Variants in UST observed in about 807,000 individuals in gnomAD.
UST encodes uronyl 2-sulfotransferase.
UST carries 21 observed loss-of-function variants against 45.6 expected under a neutral mutation model. The ratio of observed to expected loss-of-function variants is 0.46; its 90% CI spans 0.33 to 0.66. The LOEUF (loss-of-function observed/expected upper bound fraction) is 0.66. Among genes scored for constraint, UST ranks in the 30% least tolerant of loss-of-function variants. The pLI, the probability that UST is intolerant of heterozygous loss-of-function variation, is 0.02. For missense variants in UST, 463 were observed against 512.4 expected, an observed-to-expected ratio of 0.90 and a Z score of 0.93; for synonymous variants, 215 against 200.6, an observed-to-expected ratio of 1.07 and a Z score of -0.61.
chr6:149,047,594 C>T (rs1008188458), intron 7 of UST, among the ~76,000 whole-genome samples: 5 of 152,192 alleles, frequency 3.3e-5, no homozygotes, highest in African/African-American at 1.2e-4. Flanking sequence ...TTTTCATTAA[C>T]AGTTCAAGCC....
In UST at chr6:149,005,574, A is replaced by T. The variant is rs112479549; in HGVS notation, c.682-13565A>T. The T allele has an allele frequency of 3.6e-5, 35 of 985,424 alleles. 2 individuals are homozygous for T. The highest frequency in any genetic ancestry group is 3.3e-4 in the African/African-American group (19 of 57,360). 61.0% of individuals were successfully genotyped at this position (985,424 alleles called of 1,614,324 possible). A position where few individuals can be genotyped will look rare whatever the true frequency, so the allele number is the denominator to read the frequency against. ...CCACAAGCTTTTACCGAATAAAATGATTGGTACTCAGTAAAGGTTAGTCCC... is the reference window on the plus strand; with the variant it reads ...CCACAAGCTTTTACCGAATAAAATGTTTGGTACTCAGTAAAGGTTAGTCCC... On this transcript the variant is annotated intron_variant, in intron 5 of 7. Transcript: ENST00000367463.
intron 1 of UST, among the ~76,000 whole-genome samples, chr6:148,832,136 A>G (rs1032489689): frequency 1.4e-4 from 22 of 152,220 alleles, no homozygotes; most frequent in African/African-American, 4.8e-4. Context: ...GATTGCACGC[A>G]TGCACCACCA....
At chr6:148,941,850 G>T (rs1780134185) in intron 3 of UST, among the ~76,000 whole-genome samples, 1 of 152,154 alleles carries the variant, frequency 6.6e-6, no homozygotes, top group African/African-American at 2.4e-5. Context: ...ATTGGTTGAT[G>T]GGGGACATGA....
Position 148,885,323 on chromosome 6 carries a change from G to A in UST, c.248-1663G>A, listed in dbSNP as rs151060457. On this transcript the variant is annotated intron_variant, in intron 1 of 7. Transcript: ENST00000367463. ...GAGCAGATGGGAGCTCCAGGCAGCC[G>A]CACCAGCTGCACGGTGGTAGAATAT... 2.9e-3 allele frequency among the ~76,000 whole-genome samples: 435 copies of A among 152,244 alleles called. 1 individual carries two copies. Among genetic ancestry groups the A allele is most frequent in the African/African-American group, 9.6e-3 (398 of 41,548 alleles).
At chr6:148,844,421 T>C (rs913204540) in intron 1 of UST, among the ~76,000 whole-genome samples, 66 of 152,156 alleles carry the variant, frequency 4.3e-4, no homozygotes, top group African/African-American at 1.5e-3. Flanking sequence ...CTTATTAAGA[T>C]AAAATTTGCA....
In UST at chr6:148,865,533, G is replaced by C. The variant is rs188112297; in HGVS notation, c.248-21453G>C. ...TTTAATATAAAGAATGTTTTAAAAA[G>C]AGAGAGAGAGAGAGAGAAAACACCT... On this transcript the variant is annotated intron_variant, in intron 1 of 7. Coordinates refer to ENST00000367463, the MANE Select transcript of UST (RefSeq NM_005715.3). 5.3e-3 allele frequency among the ~76,000 whole-genome samples: 773 copies of C among 146,514 alleles called. 13 individuals carry two copies. Among genetic ancestry groups the C allele is most frequent in the African/African-American group, 0.018 (737 of 41,002 alleles).
chr6:149,017,431 A>C (rs1454893503), intron 5 of UST, among the ~76,000 whole-genome samples: 1 of 152,180 alleles, frequency 6.6e-6, no homozygotes, highest in East Asian at 1.9e-4. Context: ...TAACACTTCA[A>C]AAAAGGAATA....
At chr6:149,063,371 T>C (rs1258472803) in intron 7 of UST, among the ~76,000 whole-genome samples, 2 of 152,164 alleles carry the variant, frequency 1.3e-5, no homozygotes, top group Non-Finnish European at 2.9e-5. Flanking sequence ...GACCAATCCC[T>C]AAAGGTAATA....
At chr6:148,885,118 G>A (rs1778889311) in intron 1 of UST, among the ~76,000 whole-genome samples, 1 of 152,142 alleles carries the variant, frequency 6.6e-6, no homozygotes, top group Admixed American at 6.5e-5. Context: ...TAGGAATCAG[G>A]CATTTAAATC....
At chr6:148,944,798 T>C (rs1268125143) in intron 3 of UST, among the ~76,000 whole-genome samples, 1 of 152,242 alleles carries the variant, frequency 6.6e-6, no homozygotes, top group Admixed American at 6.5e-5. Context: ...GATGACATCA[T>C]TGCATTTATG....
intron 1 of UST, among the ~76,000 whole-genome samples, chr6:148,871,373 C>G (rs889525819): frequency 1.3e-5 from 2 of 152,140 alleles, no homozygotes; most frequent in African/African-American, 4.8e-5. Context: ...TCCCCAGGAT[C>G]CAGCACAATG....
At chr6:148,861,921 T>A (rs1778323823) in intron 1 of UST, among the ~76,000 whole-genome samples, 1 of 138,694 alleles carries the variant, frequency 7.2e-6, no homozygotes, top group Non-Finnish European at 1.5e-5. Flanking sequence ...CTTCCAACTA[T>A]GTGGTCAGTT....
chr6:149,026,822 T>C (rs1367592342), intron 7 of UST, among the ~76,000 whole-genome samples: 2 of 152,228 alleles, frequency 1.3e-5, no homozygotes, highest in Non-Finnish European at 2.9e-5. Context: ...TTAGTATTCA[T>C]TTTCAACACG....
In UST at chr6:148,934,612, A is replaced by G. The variant is rs1005446654; in HGVS notation, c.292-6667A>G. ...AGACACAACAGTGCCCTTCGCCCCAACTCCTCTCCAGGATCACGCAGGCAA... is the reference window on the plus strand; with the variant it reads ...AGACACAACAGTGCCCTTCGCCCCAGCTCCTCTCCAGGATCACGCAGGCAA... On this transcript the variant is annotated intron_variant, in intron 2 of 7. Transcript: ENST00000367463. The surrounding 1 kb of genome is among the most constrained non-coding windows in gnomAD (Gnocchi z 4.1). Among the ~76,000 whole-genome samples the G allele has an allele frequency of 4.6e-5, 7 of 151,878 alleles. No homozygotes were observed. The highest frequency in any genetic ancestry group is 1.0e-4 in the Non-Finnish European group (7 of 67,974).
At chr6:149,043,015 CTTTCTTTT>C (rs1191411900) in intron 7 of UST, among the ~76,000 whole-genome samples, 46 of 119,784 alleles carry the variant, frequency 3.8e-4, no homozygotes, top group East Asian at 1.6e-3. Context: ...TTCTTTCTTT[CTTTCTTTT>C]TCTTTCTTTC....
chr6:148,881,167 C>T (rs1414825792), intron 1 of UST, among the ~76,000 whole-genome samples: 1 of 152,096 alleles, frequency 6.6e-6, no homozygotes, highest in Non-Finnish European at 1.5e-5. Context: ...TGGACTAGGG[C>T]GTCAAAGCCA....
intron 2 of UST, among the ~76,000 whole-genome samples, chr6:148,938,719 A>T (rs1383758925): frequency 1.3e-5 from 2 of 151,914 alleles, no homozygotes; most frequent in African/African-American, 2.4e-5. Flanking sequence ...TTGCAGATAA[A>T]AATGATTAAT....
intron 1 of UST, among the ~76,000 whole-genome samples, chr6:148,865,668 GTGT>G (rs1778413316): frequency 1.1e-4 from 1 of 9,430 alleles, no homozygotes; most frequent in Non-Finnish European, 2.5e-4. Flanking sequence ...CTGAAATTGT[GTGT>G]GTGTGTGTGT....
At chr6:148,921,188 G>A (rs1461434829) in intron 2 of UST, among the ~76,000 whole-genome samples, 1 of 152,204 alleles carries the variant, frequency 6.6e-6, no homozygotes, top group African/African-American at 2.4e-5. Flanking sequence ...AGAGTCCCTG[G>A]GCTGAGCTTC....
Sources: allele counts gnomAD v4.1 joint callset (sites outside exome capture counted in the v4.1 genomes callset), GRCh38; gene constraint gnomAD v4.1.1; non-coding constraint Gnocchi (gnomAD v3.1); transcripts MANE v1.5; gene names NCBI Gene and HGNC (gene_info 2026-07-23, HGNC 2026-07-21).